IL1RAP: variants seen among roughly 807,000 people sequenced by gnomAD.
IL1RAP encodes the protein interleukin-1 receptor accessory protein.
In IL1RAP, 35 loss-of-function variants were observed where a neutral mutation model predicts 60.7. The ratio of observed to expected loss-of-function variants is 0.58; its 90% CI spans 0.44 to 0.76. IL1RAP has a LOEUF of 0.76. Among genes scored for constraint, IL1RAP ranks in the 30% least tolerant of loss-of-function variants. The pLI is 0.00. For missense variants in IL1RAP, 572 were observed against 693.9 expected, an observed-to-expected ratio of 0.82 and a Z score of 1.97; for synonymous variants, 268 against 250.9, an observed-to-expected ratio of 1.07 and a Z score of -0.64.
At position 190,648,600 on chromosome 3, in the gene IL1RAP, C is replaced by G; in HGVS notation, c.1608C>G (p.Gly536=). The change falls in exon 12 of 12, where the codon GGC becomes GGG. Residue 536 remains glycine (G), a synonymous_variant. Transcript: ENST00000447382. ...WKGEKSKYPQ[G]RFWKQLQVAM... is the part of the protein sequence containing the mutation. Reference sequence around the variant, plus strand: ...GGGAAAAATCCAAGTATCCACAGGGCAGGTTCTGGAAGCAGCTGCAGGTGG... The same window carrying G: ...GGGAAAAATCCAAGTATCCACAGGGGAGGTTCTGGAAGCAGCTGCAGGTGG... 1 of 1,614,130 alleles carries G rather than the reference C, an allele frequency of 6.2e-7. No homozygotes were observed. Among genetic ancestry groups the G allele is most frequent in the Middle Eastern group, 1.6e-4 (1 of 6,062 alleles).
chr3:190,519,824 C>A (rs1321181871), intron 1 of IL1RAP, among the ~76,000 whole-genome samples: 1 of 152,110 alleles, frequency 6.6e-6, no homozygotes, highest in African/African-American at 2.4e-5. Flanking sequence ...CCCCATTGGG[C>A]ACAGGACAGA....
chr3:190,616,204 G>T (rs926304120), intron 5 of IL1RAP, among the ~76,000 whole-genome samples: 1 of 152,050 alleles, frequency 6.6e-6, no homozygotes, highest in African/African-American at 2.4e-5. Flanking sequence ...TCTGTACTTC[G>T]ATAGCACTTC....
intron 9 of IL1RAP, among the ~76,000 whole-genome samples, chr3:190,635,375 T>C (rs1484074761): frequency 6.6e-6 from 1 of 152,160 alleles, no homozygotes; most frequent in Non-Finnish European, 1.5e-5. Flanking sequence ...ATATACTTAT[T>C]TTCCTCTTTT....
chr3:190,541,946 A>T (rs999947376), intron 1 of IL1RAP, among the ~76,000 whole-genome samples: 1 of 152,148 alleles, frequency 6.6e-6, no homozygotes, highest in African/African-American at 2.4e-5. Context: ...GAGAAAAACA[A>T]CTTTAAAACC....
intron 3 of IL1RAP, among the ~76,000 whole-genome samples, chr3:190,568,234 C>T (rs994916878): frequency 6.6e-6 from 1 of 152,062 alleles, no homozygotes; most frequent in Non-Finnish European, 1.5e-5. Context: ...TCAGGAACTT[C>T]GCAGGAACCA....
intron 1 of IL1RAP, among the ~76,000 whole-genome samples, chr3:190,523,960 T>C (rs2108610949): frequency 6.6e-6 from 1 of 152,314 alleles, no homozygotes; most frequent in South Asian, 2.1e-4. Flanking sequence ...TCCACAATGG[T>C]TGAACTGATT....
chr3:190,552,009 C>G (rs1200540317), intron 1 of IL1RAP, among the ~76,000 whole-genome samples: 1 of 152,084 alleles, frequency 6.6e-6, no homozygotes, highest in Admixed American at 6.5e-5. Flanking sequence ...ATCCAACGTA[C>G]CTAAACATGT....
chr3:190,616,727 C>A (rs1005639840), intron 5 of IL1RAP, among the ~76,000 whole-genome samples: 12 of 152,186 alleles, frequency 7.9e-5, no homozygotes, highest in African/African-American at 2.9e-4. Flanking sequence ...GTCTTATATT[C>A]CAAATACTCA....
At chr3:190,644,461 A>C in intron 10 of IL1RAP, 64 bp downstream of exon 10, 1 of 1,229,748 alleles carries the variant, frequency 8.1e-7, no homozygotes, top group Non-Finnish European at 1.2e-6. Context: ...TGTTGTAAAA[A>C]AAAGAAAAAA....
intron 2 of IL1RAP, among the ~76,000 whole-genome samples, chr3:190,562,213 G>T (rs534773455): frequency 5.9e-5 from 9 of 152,170 alleles, no homozygotes; most frequent in Admixed American, 3.9e-4. Flanking sequence ...TGTTCCTTCT[G>T]TCTCAAGTCT....
In IL1RAP at chr3:190,649,085, A is replaced by T. The variant is rs1335653695; in HGVS notation, c.*380A>T. 4 of 991,422 alleles carry T rather than the reference A, an allele frequency of 4.0e-6. No individual in the cohort carries two copies. Among genetic ancestry groups the T allele is most frequent in the Non-Finnish European group, 3.6e-6 (3 of 833,998 alleles). The allele number at this position is 991,422 out of a possible 1,614,324, so 61.4% of individuals were successfully genotyped here. On this transcript the variant is annotated 3_prime_UTR_variant, in exon 12 of 12. Transcript: ENST00000447382. The stretch of plus-strand genomic sequence containing the variant: ...GCCTTTAAAATAAGTCACTGTTGAC[A>T]GGGTCATGAGTTTCCGAGTATAGTT...
chr3:190,607,355 C>A (rs1440789142), intron 4 of IL1RAP, among the ~76,000 whole-genome samples: 1 of 152,106 alleles, frequency 6.6e-6, no homozygotes, highest in African/African-American at 2.4e-5. Context: ...ACAAGTTTTA[C>A]ATCCATTCCA....
chr3:190,540,695 G>A (rs1051032905), intron 1 of IL1RAP, among the ~76,000 whole-genome samples: 1 of 151,812 alleles, frequency 6.6e-6, no homozygotes, highest in African/African-American at 2.4e-5. Flanking sequence ...AGCTGTTGGG[G>A]AAATAAAATT....
chr3:190,625,056 A>G (rs148370882), intron 7 of IL1RAP: 2 of 154,838 alleles, frequency 1.3e-5, no homozygotes, highest in African/African-American at 2.4e-5. Context: ...CACAAGCACC[A>G]TTGGTTTGCC....
At chr3:190,558,998 A>C (rs183155142) in intron 2 of IL1RAP, among the ~76,000 whole-genome samples, 2 of 152,324 alleles carry the variant, frequency 1.3e-5, no homozygotes, top group Admixed American at 1.3e-4. Context: ...GTAAGGCTGA[A>C]ATGATGGTGT....
At chr3:190,657,226 C>G (rs1054920770) in exon 12 of IL1RAP, 2 of 152,184 alleles carry the variant, frequency 1.3e-5, no homozygotes, top group Non-Finnish European at 2.9e-5. Flanking sequence ...ATTTTTACAT[C>G]TCTCTCACCC....
rs530481089 is a variant in IL1RAP, at chr3:190,629,403, A to G, written c.956A>G (p.Lys319Arg). Residue 319 changes from lysine to arginine, a missense_variant, in exon 9 of 12, where the codon AAG (lysine) becomes AGG (arginine). Lys to Arg is a conservative substitution (Grantham distance 26). Coordinates refer to ENST00000447382, the MANE Select transcript of IL1RAP (RefSeq NM_002182.4). ...DETRTQILSI[K>R]KVTSEDLKRS... Reference sequence around the variant, plus strand: ...ACAAGAACTCAGATTTTGAGCATCAAGAAAGTTACCTCTGAGGATCTCAAG... The same window carrying G: ...ACAAGAACTCAGATTTTGAGCATCAGGAAAGTTACCTCTGAGGATCTCAAG... The G allele has an allele frequency of 6.2e-6, 10 of 1,613,786 alleles. No homozygotes were observed. The highest frequency in any genetic ancestry group is 4.0e-5 in the African/African-American group (3 of 75,038).
intron 9 of IL1RAP, among the ~76,000 whole-genome samples, chr3:190,636,066 G>A (rs761546716): frequency 5.1e-4 from 77 of 152,074 alleles, no homozygotes; most frequent in Admixed American, 3.4e-3. Flanking sequence ...TGTGTCCAAA[G>A]AACATACTTT....
chr3:190,565,215 T>A (rs1443123608), intron 3 of IL1RAP, among the ~76,000 whole-genome samples: 2 of 151,526 alleles, frequency 1.3e-5, no homozygotes, highest in Non-Finnish European at 2.9e-5. Context: ...AACCAAAACC[T>A]AATGCAATGG....
Sources: allele counts gnomAD v4.1 joint callset (sites outside exome capture counted in the v4.1 genomes callset), GRCh38; gene constraint gnomAD v4.1.1; transcripts MANE v1.5; gene names NCBI Gene and HGNC (gene_info 2026-07-23, HGNC 2026-07-21).